ARVCF: variants seen among roughly 807,000 people sequenced by gnomAD.
The protein encoded by ARVCF is ARVCF delta catenin family member, also known as splicing regulator ARVCF.
Under a neutral mutation model 90.9 loss-of-function variants are expected in ARVCF, and 66 were observed. That is an observed-to-expected ratio of 0.73 (90% CI 0.60 to 0.89). ARVCF has a LOEUF of 0.89. Ranked by LOEUF, ARVCF falls within the 40% of genes least tolerant of loss-of-function variation. ARVCF has a pLI of 0.00. For missense variants in ARVCF, 1,469 were observed against 1,382.3 expected (o/e 1.06, Z -1.00); for synonymous variants, 653 against 603.4 (o/e 1.08, Z -1.21).
intron 3 of ARVCF, 91 bp from the exon 4 acceptor site, chr22:19,982,182 A>C: frequency 2.6e-5 from 40 of 1,521,714 alleles, no homozygotes; most frequent in Middle Eastern, 2.4e-4. Flanking sequence ...GCCTCAGCTC[A>C]TGCTGGCCAG....
Position 19,972,755 on chromosome 22 carries a change from G to C in ARVCF, c.2623C>G (p.Leu875Val). The stretch of plus-strand genomic sequence containing the variant: ...CACTCACCAAGGCTCTTGTCCACCA[G>C]TGGCAGCGTGCTGTCATCGAAGCCC... Reference protein sequence around the residue: ...PGGFDDSTLPLVDKSLEGEKT... With the variant: ...PGGFDDSTLPVVDKSLEGEKT... The change falls in exon 16 of 20, where the codon CTG becomes GTG. Residue 875 changes from leucine to valine, a missense_variant. Transcript: ENST00000263207. 6.2e-7 allele frequency: 1 copy of C among 1,612,322 alleles called. No individual in the cohort carries two copies. The highest frequency in any genetic ancestry group is 1.7e-5 in the Admixed American group (1 of 59,894).
rs754677088 is a variant in ARVCF, at chr22:19,980,158, C to G, written c.981G>C (p.Gln327His). 1 of 1,587,418 alleles carries G rather than the reference C, an allele frequency of 6.3e-7. No homozygotes were observed. The highest frequency in any genetic ancestry group is 1.1e-5 in the South Asian group (1 of 90,288). Residue 327 changes from glutamine to histidine, a missense_variant, in exon 6 of 20, where the codon CAG becomes CAC. Transcript: ENST00000263207. Reference sequence around the variant, plus strand: ...GGCTGCCCATGCTGCCCCGTTCAGGCTGGGCCAGGGGCGCCGTCACCATTG... The same window carrying G: ...GGCTGCCCATGCTGCCCCGTTCAGGGTGGGCCAGGGGCGCCGTCACCATTG... Reference protein sequence around the residue: ...AFPMVTAPLAQPERGSMGSLD... With the variant: ...AFPMVTAPLAHPERGSMGSLD...
downstream of ARVCF, among the ~76,000 whole-genome samples, chr22:19,968,173 T>C (rs759803348): frequency 2.6e-5 from 4 of 152,186 alleles, no homozygotes; most frequent in Non-Finnish European, 5.9e-5. Context: ...CTCTCCCTCA[T>C]AGGCCTGAGT....
Position 19,981,288 on chromosome 22 carries a change from CTCG to C in ARVCF, c.816_818del (p.Asp272del), listed in dbSNP as rs1943479257. 6.3e-7 allele frequency: 1 copy of C among 1,584,374 alleles called. No individual in the cohort carries two copies. The highest frequency in any genetic ancestry group is 1.3e-5 in the African/African-American group (1 of 74,116). ...AGTCAGGCTCCAGCTCAGGGCCACC[CTCG>C]TCATCAGCGGCCAGGCTGCGCGTGT... is the stretch of plus-strand genomic sequence containing the variant. On this transcript the variant is annotated inframe_deletion, in exon 5 of 20. Coordinates refer to ENST00000263207, the MANE Select transcript of ARVCF (RefSeq NM_001670.3).
At chr22:19,976,805 G>A (rs1344821434) in intron 9 of ARVCF, 82 bp from the exon 10 acceptor site, 3 of 1,496,128 alleles carry the variant, frequency 2.0e-6, no homozygotes, top group South Asian at 1.2e-5. Flanking sequence ...CCTCCCGGAA[G>A]CCTCAGGTTC....
chr22:20,006,217 T>C (rs1183231792), intron 2 of ARVCF, among the ~76,000 whole-genome samples: 1 of 152,204 alleles, frequency 6.6e-6, no homozygotes, highest in Admixed American at 6.5e-5. Flanking sequence ...AATTGTACAC[T>C]TGAAAATGGT....
At position 19,973,260 on chromosome 22, in the gene ARVCF, C is replaced by A. The variant is rs763549063; in HGVS notation, c.2297G>T (p.Arg766Leu). The A allele has an allele frequency of 4.8e-5, 77 of 1,608,876 alleles. No individual in the cohort carries two copies. Among genetic ancestry groups the A allele is most frequent in the Non-Finnish European group, 6.5e-5 (77 of 1,178,886 alleles). Reference sequence around the variant, plus strand: ...GTCTTCCTCCAGGCAGGCCCCCGGTCGCGGCGGAGCCTGTGCATTGCGCAC... The same window carrying A: ...GTCTTCCTCCAGGCAGGCCCCCGGTAGCGGCGGAGCCTGTGCATTGCGCAC... ...RNVRNAQAPP[R>L]PGACLEEDTV... The change falls in exon 14 of 20, where the codon CGA becomes CTA. Residue 766 changes from arginine (R) to leucine (L), a missense_variant. By Grantham distance (102) the Arg-to-Leu change is moderately radical. Coordinates refer to ENST00000263207, the MANE Select transcript of ARVCF (RefSeq NM_001670.3).
chr22:19,976,923 G>A (rs972505353), intron 9 of ARVCF, among the ~76,000 whole-genome samples, 200 bp from the exon 10 acceptor site: 6 of 152,186 alleles, frequency 3.9e-5, no homozygotes, highest in African/African-American at 1.4e-4. Flanking sequence ...TGGGGTCAGT[G>A]GGGCAGGGGC....
Position 19,990,783 on chromosome 22 carries a change from G to A in ARVCF, c.12C>T (p.Cys4=). MED[C]NVHSAASILA... is the part of the protein sequence containing the mutation. ...GGATGCTGGCGGCCGAGTGCACATTGCAGTCCTCCATGACCAGAGCGCCCG... is the reference window on the plus strand; with the variant it reads ...GGATGCTGGCGGCCGAGTGCACATTACAGTCCTCCATGACCAGAGCGCCCG... The change falls in exon 3 of 20, where the codon TGC becomes TGT. Residue 4 remains cysteine (C), a synonymous_variant. Coordinates refer to ENST00000263207, the MANE Select transcript of ARVCF (RefSeq NM_001670.3). 1 of 1,571,432 alleles carries A rather than the reference G, an allele frequency of 6.4e-7. No individual in the cohort carries two copies.
chr22:19,987,052 C>A (rs781372337), intron 3 of ARVCF: 2 of 654,674 alleles, frequency 3.1e-6, no homozygotes, highest in East Asian at 3.3e-5. Flanking sequence ...CAGGGTCCCC[C>A]CAAGCCAACT....
Position 19,979,041 on chromosome 22 carries a change from A to T in ARVCF, c.1436T>A (p.Met479Lys). 6.2e-7 allele frequency: 1 copy of T among 1,613,326 alleles called. No individual in the cohort carries two copies. Residue 479 changes from methionine to lysine, a missense_variant, in exon 7 of 20, where the codon ATG (methionine) becomes AAG (lysine). Transcript: ENST00000263207. ...WNLSSYEPLK[M>K]VIIDHGLQTL... ...CTGCAGGCCATGGTCAATGATGACC[A>T]TCTTCAGGGGCTCATAGGATGACAG...
chr22:19,993,266 T>C (rs1944098647), intron 2 of ARVCF, among the ~76,000 whole-genome samples: 1 of 152,196 alleles, frequency 6.6e-6, no homozygotes, highest in South Asian at 2.1e-4. Context: ...CCTGACATGG[T>C]GGACTCTGGC....
chr22:19,987,728 G>A lies in ARVCF; in HGVS notation c.210+2857C>T, dbSNP rs371289064. Reference sequence around the variant, plus strand: ...TCCCCCCTCACCCTCCTGCCCAGCCGCCACTCTGAATGGGCCTGCGAAGAA... The same window carrying A: ...TCCCCCCTCACCCTCCTGCCCAGCCACCACTCTGAATGGGCCTGCGAAGAA... On this transcript the variant is annotated intron_variant, in intron 3 of 19. Coordinates refer to ENST00000263207, the MANE Select transcript of ARVCF (RefSeq NM_001670.3). 2.7e-3 allele frequency among the ~76,000 whole-genome samples: 415 copies of A among 151,924 alleles called. 4 individuals are homozygous for A. Among genetic ancestry groups the A allele is most frequent in the African/African-American group, 9.2e-3 (382 of 41,408 alleles).
At chr22:19,968,788 G>A (rs934748900), downstream of ARVCF, 3 of 1,542,880 alleles carry the variant, frequency 1.9e-6, no homozygotes, top group Admixed American at 1.8e-5. Context: ...GGTACTGAAG[G>A]TGCCAGACGT....
rs745824693 is a variant in ARVCF at position 19,971,218 on chromosome 22, G to C, written c.*10C>G. The C allele has an allele frequency of 2.6e-6, 4 of 1,552,528 alleles. No homozygotes were observed. In the Admixed American group the frequency reaches 7.8e-5, roughly 30 times the overall value. ...AACAACCAGATGAGAGAACGTACCA[G>C]GCATGCAAGCTAGACCCAGGAATCA... is the stretch of plus-strand genomic sequence containing the variant. On this transcript the variant is annotated splice_region_variant and 3_prime_UTR_variant, in exon 19 of 20. Coordinates refer to ENST00000263207, the MANE Select transcript of ARVCF (RefSeq NM_001670.3).
Position 19,990,807 on chromosome 22 carries a change from C to T in ARVCF, c.-13G>A, listed in dbSNP as rs760077303. Reference sequence around the variant, plus strand: ...TGCAGTCCTCCATGACCAGAGCGCCCGCCAGCTGCAGGCAAAGCAGAGTAA... The same window carrying T: ...TGCAGTCCTCCATGACCAGAGCGCCTGCCAGCTGCAGGCAAAGCAGAGTAA... On this transcript the variant is annotated 5_prime_UTR_variant, in exon 3 of 20. Coordinates refer to ENST00000263207, the MANE Select transcript of ARVCF (RefSeq NM_001670.3). 11 of 1,547,542 alleles carry T rather than the reference C, an allele frequency of 7.1e-6. No homozygotes were observed. The highest frequency in any genetic ancestry group is 2.7e-5 in the African/African-American group (2 of 73,140).
intron 2 of ARVCF, among the ~76,000 whole-genome samples, chr22:20,007,493 T>C (rs1053253677): frequency 5.3e-5 from 8 of 152,224 alleles, no homozygotes; most frequent in African/African-American, 1.9e-4. Context: ...TAAATACTAG[T>C]TTGTGCTATG....
intron 3 of ARVCF, among the ~76,000 whole-genome samples, chr22:19,982,788 C>T (rs1489141850): frequency 2.6e-5 from 4 of 152,216 alleles, no homozygotes; most frequent in African/African-American, 7.2e-5. Flanking sequence ...TGCCCTACCT[C>T]GGGCCAGTGG....
chr22:20,015,660 C>A (rs1945047822), intron 1 of ARVCF, among the ~76,000 whole-genome samples: 1 of 152,132 alleles, frequency 6.6e-6, no homozygotes, highest in Non-Finnish European at 1.5e-5. Flanking sequence ...CTGCACCCCC[C>A]TGGCCCATAC....
Sources: allele counts gnomAD v4.1 joint callset (sites outside exome capture counted in the v4.1 genomes callset), GRCh38; gene constraint gnomAD v4.1.1; transcripts MANE v1.5; gene names NCBI Gene and HGNC (gene_info 2026-07-23, HGNC 2026-07-21).